Variants in MPDU1 observed in about 807,000 individuals in gnomAD.
MPDU1 encodes the protein mannose-P-dolichol utilization defect 1 protein.
Under a neutral mutation model 27.6 loss-of-function variants are expected in MPDU1, and 18 were observed. The observed-to-expected ratio is 0.65, with a 90% CI of 0.45 to 0.97. The LOEUF is 0.97. MPDU1 is among the 50% of genes least tolerant of loss of function. The pLI, the probability that MPDU1 is intolerant of heterozygous loss-of-function variation, is 0.00. For synonymous variants in MPDU1, 142 were observed against 131.1 expected (o/e 1.08, Z -0.57); for missense variants, 279 against 297.4 (o/e 0.94, Z 0.46).
At position 7,587,635 on chromosome 17, in the gene MPDU1, T is replaced by C. The variant is rs1264289987; in HGVS notation, c.*84T>C. The C allele has an allele frequency of 1.3e-6, 2 of 1,578,422 alleles. No homozygotes were observed. Among genetic ancestry groups the C allele is most frequent in the African/African-American group, 1.3e-5 (1 of 74,154 alleles). On this transcript the variant is annotated 3_prime_UTR_variant, in exon 7 of 7. Coordinates refer to ENST00000250124, the MANE Select transcript of MPDU1 (RefSeq NM_004870.4). ...ATCTGAGCCAGCCTGCTGGTGTGAC[T>C]TACTCATCCTCCATTCCTCTGCACT...
In MPDU1 at chr17:7,587,709, A is replaced by C. The variant is rs1216841384; in HGVS notation, c.*158A>C. 9.4e-7 allele frequency: 1 copy of C among 1,062,396 alleles called. No individual in the cohort carries two copies. Among genetic ancestry groups the C allele is most frequent in the Non-Finnish European group, 1.4e-6 (1 of 713,110 alleles). 65.8% of individuals were successfully genotyped at this position (1,062,396 alleles called of 1,614,324 possible). A position where few individuals can be genotyped will look rare whatever the true frequency, so the allele number is the denominator to read the frequency against. ...TTCTTTTAGTGGAAACAAATGGTTG[A>C]TGGATCCAGATCCTTAGAAAAGGAG... On this transcript the variant is annotated 3_prime_UTR_variant, in exon 7 of 7. Coordinates refer to ENST00000250124, the MANE Select transcript of MPDU1 (RefSeq NM_004870.4).
intron 5 of MPDU1, 50 bp downstream of exon 5, chr17:7,587,067 G>GGGGGGGGGGGGCAA: frequency 9.6e-7 from 1 of 1,041,362 alleles, no homozygotes; most frequent in African/African-American, 1.9e-5. Context: ...GGGTGGGGGG[G>GGGGGGGGGGGGCAA]AAGAGTAGAA....
chr17:7,586,902 T>C lies in MPDU1; in HGVS notation c.392T>C (p.Val131Ala). ...ACTCCTGTCTCCCCACCCCTAGGTG[T>C]CGCTTTCCTCGCTTGCTACGGCCTG... is the stretch of plus-strand genomic sequence containing the variant. ...MHYRGQTVKGVAFLACYGLVL... is the reference protein window; with the variant it reads ...MHYRGQTVKGAAFLACYGLVL... The change falls in exon 5 of 7, where the codon GTC becomes GCC. Residue 131 changes from valine to alanine, a missense_variant. By Grantham distance (64) the Val-to-Ala change is moderately conservative. Transcript: ENST00000250124. The C allele has an allele frequency of 6.2e-7, 1 of 1,613,956 alleles. No individual in the cohort carries two copies. Among genetic ancestry groups the C allele is most frequent in the Non-Finnish European group, 8.5e-7 (1 of 1,179,968 alleles).
rs1396290425 is a variant in MPDU1, at chr17:7,586,675, A to G, written c.303-17A>G. The G allele has an allele frequency of 1.9e-6, 3 of 1,613,070 alleles. No individual in the cohort carries two copies. In the East Asian group the frequency reaches 6.7e-5, roughly 36 times the overall value. On this transcript the variant is annotated splice_polypyrimidine_tract_variant and intron_variant, in intron 3 of 6. Coordinates refer to ENST00000250124, the MANE Select transcript of MPDU1 (RefSeq NM_004870.4). ...TTCTAGGCCCGCCTTTCTTCCTCCC[A>G]ACTCTTGACTCTGCAGCTCTTGGGG... is the stretch of plus-strand genomic sequence containing the variant.
chr17:7,584,066 A>G (rs1363030392), intron 1 of MPDU1, 101 bp downstream of exon 1: 1 of 1,195,342 alleles, frequency 8.4e-7, no homozygotes, highest in East Asian at 2.3e-5. Flanking sequence ...GACTGCCGCC[A>G]TGCCGAGCTG....
rs774355940 is a variant in MPDU1, at chr17:7,586,761, A to AGGACAGACTGTGAAAGGTGCTGG, written c.377_388+11dup. 1.9e-6 allele frequency: 3 copies of AGGACAGACTGTGAAAGGTGCTGG among 1,613,952 alleles called. No homozygotes were observed. The African/African-American group carries it at 4.0e-5, about 22-fold the overall frequency. Reference sequence around the variant, plus strand: ...TCTGCTTCCTGGTCATGCACTACAGAGGACAGACTGTGAAAGGTGCTGGGG... The same window carrying AGGACAGACTGTGAAAGGTGCTGG: ...TCTGCTTCCTGGTCATGCACTACAGAGGACAGACTGTGAAAGGTGCTGGGGACAGACTGTGAAAGGTGCTGGGG... On this transcript the variant is annotated frameshift_variant, in exon 4 of 7. Transcript: ENST00000250124. LOFTEE classifies it high-confidence loss of function.
chr17:7,584,484 C>T (rs1032603425), intron 1 of MPDU1, among the ~76,000 whole-genome samples: 1 of 152,146 alleles, frequency 6.6e-6, no homozygotes, highest in Non-Finnish European at 1.5e-5. Flanking sequence ...TCAGTCTGCC[C>T]CTGTCAGTTC....
chr17:7,584,099 G>C, intron 1 of MPDU1, 134 bp downstream of exon 1: 1 of 893,352 alleles, frequency 1.1e-6, no homozygotes, highest in East Asian at 2.4e-5. Context: ...TTCTGAGAAG[G>C]GCGGAAGTGT....
At position 7,583,929 on chromosome 17, in the gene MPDU1, TACGACCA is replaced by T; in HGVS notation, c.70_76del (p.Asp24PhefsTer31). On this transcript the variant is annotated frameshift_variant, in exon 1 of 7. Coordinates refer to ENST00000250124, the MANE Select transcript of MPDU1 (RefSeq NM_004870.4). LOFTEE classifies it high-confidence loss of function. ...GCCGATTCTTTTACCTGAGAAATGCTACGACCAACTTTTCGTTCAGTGGGACTTGCTT... is the reference window on the plus strand; with the variant it reads ...GCCGATTCTTTTACCTGAGAAATGCTACTTTTCGTTCAGTGGGACTTGCTT... 1 of 1,614,236 alleles carries T rather than the reference TACGACCA, an allele frequency of 6.2e-7. No individual in the cohort carries two copies. Among genetic ancestry groups the T allele is most frequent in the Non-Finnish European group, 8.5e-7 (1 of 1,180,050 alleles).
intron 1 of MPDU1, chr17:7,584,383 CAT>C (rs2071546136): frequency 2.6e-6 from 1 of 388,622 alleles, no homozygotes; most frequent in Non-Finnish European, 4.7e-6. Context: ...CAGGTTTGCT[CAT>C]AGTCTGATTT....
Position 7,586,948 on chromosome 17 carries a change from A to G in MPDU1, c.438A>G (p.Ser146=). 6.2e-7 allele frequency: 1 copy of G among 1,608,008 alleles called. No individual in the cohort carries two copies. Among genetic ancestry groups the G allele is most frequent in the Non-Finnish European group, 8.5e-7 (1 of 1,178,982 alleles). Residue 146 remains serine, a synonymous_variant, in exon 5 of 7, where the codon TCA becomes TCG. Coordinates refer to ENST00000250124, the MANE Select transcript of MPDU1 (RefSeq NM_004870.4). ...CYGLVLLVLL[S]PLTPLTVVTL... ...GCCTGGTCCTGCTGGTGCTTCTCTC[A>G]CCTCTGACGCCCTTGACTGTAGTCA...
upstream of MPDU1, chr17:7,583,850 C>G (rs748824891): frequency 6.2e-7 from 1 of 1,613,842 alleles, no homozygotes; most frequent in Non-Finnish European, 8.5e-7. Flanking sequence ...CTGGCGGAAG[C>G]TAGCTTTGCA....
intron 3 of MPDU1, 115 bp downstream of exon 3, chr17:7,586,193 C>T (rs2071579758): frequency 1.5e-6 from 2 of 1,352,182 alleles, no homozygotes; most frequent in South Asian, 2.4e-5. Context: ...CACCTGTAAC[C>T]CCAGCACTTT....
At chr17:7,584,711 G>C (rs1378261768) in intron 1 of MPDU1, among the ~76,000 whole-genome samples, 1 of 152,224 alleles carries the variant, frequency 6.6e-6, no homozygotes, top group Non-Finnish European at 1.5e-5. Context: ...AGTGGTATGG[G>C]GCGGGCACGG....
chr17:7,586,025 A>G lies in MPDU1; in HGVS notation c.249A>G (p.Leu83=). Residue 83 remains leucine, a synonymous_variant, in exon 3 of 7, where the codon CTA becomes CTG. Transcript: ENST00000250124. The part of the protein sequence containing the change: ...GLSLQSVMLE[L]VALTGTMVYS... ...GTCTCCAGTCTGTAATGCTGGAGCT[A>G]GTGGCATTGACTGGGACCATGGTCT... 1 of 1,614,102 alleles carries G rather than the reference A, an allele frequency of 6.2e-7. No homozygotes were observed. The highest frequency in any genetic ancestry group is 8.5e-7 in the Non-Finnish European group (1 of 1,180,024).
rs1378256305 is a variant in MPDU1 at position 7,585,748 on chromosome 17, TCTC to T, written c.124_126del (p.Leu42del). ...TCTCCTCAGTCCCCTGCCTCAAGATTCTCCTCAGCAAAGGCCTGGGGCTGGGCA... is the reference window on the plus strand; with the variant it reads ...TCTCCTCAGTCCCCTGCCTCAAGATTCTCAGCAAAGGCCTGGGGCTGGGCA... On this transcript the variant is annotated inframe_deletion, in exon 2 of 7. Coordinates refer to ENST00000250124, the MANE Select transcript of MPDU1 (RefSeq NM_004870.4). 6.2e-7 allele frequency: 1 copy of T among 1,613,928 alleles called. No homozygotes were observed. Among genetic ancestry groups the T allele is most frequent in the Non-Finnish European group, 8.5e-7 (1 of 1,180,002 alleles).
chr17:7,587,067 G>GGGGA, intron 5 of MPDU1, 50 bp downstream of exon 5: 11 of 1,041,324 alleles, frequency 1.1e-5, no homozygotes, highest in Admixed American at 1.9e-5. Context: ...GGGTGGGGGG[G>GGGGA]AAGAGTAGAA....
upstream of MPDU1, chr17:7,583,797 GCAGCGCGCACGCGCAACGAAAGT>G: frequency 6.5e-7 from 1 of 1,541,454 alleles, no homozygotes; most frequent in Non-Finnish European, 9.0e-7. Context: ...CGGAGTGTCC[GCAGCGCGCACGCGCAACGAAAGT>G]CAATGGCGGT....
rs758454827 is a variant in MPDU1, at chr17:7,585,978, G to T, written c.202G>T (p.Ala68Ser). ...GCCCCAGGTGTTTAAAATCCTGGGAGCCAAGAGTGCTGAAGGGTTGAGTCT... is the reference window on the plus strand; with the variant it reads ...GCCCCAGGTGTTTAAAATCCTGGGATCCAAGAGTGCTGAAGGGTTGAGTCT... ...KLPQVFKILGAKSAEGLSLQS... is the reference protein window; with the variant it reads ...KLPQVFKILGSKSAEGLSLQS... The change falls in exon 3 of 7, where the codon GCC becomes TCC. Residue 68 changes from alanine to serine, a missense_variant. Ala to Ser is a moderately conservative substitution (Grantham distance 99, BLOSUM62 1). Transcript: ENST00000250124. 4 of 1,614,042 alleles carry T rather than the reference G, an allele frequency of 2.5e-6. No homozygotes were observed. The highest frequency in any genetic ancestry group is 3.4e-6 in the Non-Finnish European group (4 of 1,180,038).
Sources: allele counts gnomAD v4.1 joint callset (sites outside exome capture counted in the v4.1 genomes callset), GRCh38; gene constraint gnomAD v4.1.1; transcripts MANE v1.5; gene names NCBI Gene and HGNC (gene_info 2026-07-23, HGNC 2026-07-21).